The following PTH2R variants were observed in gnomAD, a reference collection of about 807,000 sequenced individuals.
The protein encoded by PTH2R is PTH2 receptor.
In PTH2R, 59 loss-of-function variants were observed where a neutral mutation model predicts 60.3. The observed-to-expected ratio is 0.98, with a 90% CI of 0.79 to 1.22. The LOEUF is 1.22. Among genes scored for constraint, PTH2R ranks in the 50% most tolerant of loss-of-function variants. The probability of loss-of-function intolerance (pLI) is 0.00; values close to 1 mark genes in which losing one functional copy is unlikely to be tolerated. For missense variants in PTH2R, 749 were observed against 682.6 expected, an observed-to-expected ratio of 1.10 and a Z score of -1.08; for synonymous variants, 256 against 243.8, an observed-to-expected ratio of 1.05 and a Z score of -0.47.
chr2:208,370,359 C>T (rs571286251), intron 1 of PTH2R, among the ~76,000 whole-genome samples: 108 of 126,482 alleles, frequency 8.5e-4, no homozygotes, highest in African/African-American at 2.9e-3. Flanking sequence ...AGGAGAATGG[C>T]GTGAACATGG....
At chr2:208,373,227 T>C (rs968968060) in intron 1 of PTH2R, among the ~76,000 whole-genome samples, 4 of 152,132 alleles carry the variant, frequency 2.6e-5, no homozygotes, top group Non-Finnish European at 4.4e-5. Context: ...AAGTGAGATA[T>C]ATGAGTAAAT....
At chr2:208,470,308 C>A (rs1303830456) in intron 9 of PTH2R, among the ~76,000 whole-genome samples, 1 of 152,194 alleles carries the variant, frequency 6.6e-6, no homozygotes, top group Non-Finnish European at 1.5e-5. Context: ...CATCCAGCAT[C>A]CAGTGATAGG....
intron 9 of PTH2R, among the ~76,000 whole-genome samples, chr2:208,470,340 C>A (rs1702855138): frequency 6.6e-6 from 1 of 152,206 alleles, no homozygotes; most frequent in African/African-American, 2.4e-5. Flanking sequence ...TCTTTCTAGG[C>A]CCTGCTCAAA....
chr2:208,459,411 C>T (rs955644414), intron 8 of PTH2R, among the ~76,000 whole-genome samples: 3 of 152,026 alleles, frequency 2.0e-5, no homozygotes, highest in Non-Finnish European at 2.9e-5. Context: ...GAATAGTTTG[C>T]GTTCATTTTC....
At chr2:208,455,411 C>T (rs1341829363) in intron 8 of PTH2R, among the ~76,000 whole-genome samples, 4 of 152,192 alleles carry the variant, frequency 2.6e-5, no homozygotes. Flanking sequence ...TACCGCTAGA[C>T]TGAAGCAGAA....
rs1574922516 is a variant in PTH2R, at chr2:208,493,580, T to G, written c.1574T>G (p.Leu525Arg). The G allele has an allele frequency of 1.9e-6, 3 of 1,612,274 alleles. No individual in the cohort carries two copies. The highest frequency in any genetic ancestry group is 2.5e-6 in the Non-Finnish European group (3 of 1,179,022). ...AGTGGGAGGCAGGGAGATGATATTC[T>G]AATGGAGAAGCCTTCCAGGCCTATG... ...EDSGRQGDDI[L>R]MEKPSRPMES... Residue 525 changes from leucine (L) to arginine (R), a missense_variant, in exon 13 of 13, where the codon CTA becomes CGA. Transcript: ENST00000272847.
intron 1 of PTH2R, among the ~76,000 whole-genome samples, chr2:208,421,624 A>G (rs1701758762): frequency 6.6e-6 from 1 of 152,174 alleles, no homozygotes; most frequent in Non-Finnish European, 1.5e-5. Context: ...AATTAAAAAC[A>G]TGTTTTCATT....
chr2:208,488,500 A>T (rs949725971), intron 10 of PTH2R, among the ~76,000 whole-genome samples: 3 of 152,204 alleles, frequency 2.0e-5, no homozygotes, highest in African/African-American at 7.2e-5. Flanking sequence ...TTACAACTTT[A>T]TGTAAATAGA....
intron 2 of PTH2R, 150 bp downstream of exon 2, chr2:208,428,453 C>A (rs917508711): frequency 1.7e-6 from 1 of 604,192 alleles, no homozygotes; most frequent in Non-Finnish European, 2.9e-6. Context: ...CAACAACACT[C>A]TTTTCATCTC....
intron 10 of PTH2R, among the ~76,000 whole-genome samples, chr2:208,484,714 A>T (rs1703232964): frequency 6.6e-6 from 1 of 152,226 alleles, no homozygotes; most frequent in African/African-American, 2.4e-5. Flanking sequence ...TTATTTTTTT[A>T]AAATAAATCC....
chr2:208,379,837 G>A (rs1246269105), intron 1 of PTH2R, among the ~76,000 whole-genome samples: 1 of 151,510 alleles, frequency 6.6e-6, no homozygotes, highest in Non-Finnish European at 1.5e-5. Context: ...TCCAGCCTGG[G>A]TGACACAGTG....
intron 2 of PTH2R, among the ~76,000 whole-genome samples, chr2:208,434,116 C>T (rs1702026591): frequency 6.6e-6 from 1 of 152,056 alleles, no homozygotes; most frequent in Non-Finnish European, 1.5e-5. Flanking sequence ...GAGTTCAAGA[C>T]CAGCCTGACC....
intron 9 of PTH2R, among the ~76,000 whole-genome samples, chr2:208,474,534 G>C (rs151238960): frequency 7.5e-4 from 115 of 152,336 alleles, no homozygotes; most frequent in African/African-American, 2.5e-3. Flanking sequence ...GCGCAGAGAA[G>C]GGTTTTCCCG....
In PTH2R at chr2:208,493,849, T is replaced by A; in HGVS notation, c.*190T>A. On this transcript the variant is annotated 3_prime_UTR_variant, in exon 13 of 13. Coordinates refer to ENST00000272847, the MANE Select transcript of PTH2R (RefSeq NM_005048.4). The stretch of plus-strand genomic sequence containing the variant: ...CATGAAAATGCAAGTGTCAATGGAG[T>A]AGTTTATTACCTTCTATTGGCATCA... The A allele has an allele frequency of 2.0e-6, 1 of 507,948 alleles. No homozygotes were observed. The highest frequency in any genetic ancestry group is 3.3e-6 in the Non-Finnish European group (1 of 299,752). 31.5% of individuals were successfully genotyped at this position (507,948 alleles called of 1,614,324 possible). A position where few individuals can be genotyped will look rare whatever the true frequency, so the allele number is the denominator to read the frequency against.
chr2:208,450,948 T>C (rs1702395424), intron 8 of PTH2R, 139 bp downstream of exon 8: 3 of 902,678 alleles, frequency 3.3e-6, no homozygotes, highest in Admixed American at 4.1e-5. Context: ...CTTGATGCGA[T>C]GGTAGCTTCC....
chr2:208,440,938 G>A (rs1702168701), intron 4 of PTH2R, among the ~76,000 whole-genome samples: 1 of 152,180 alleles, frequency 6.6e-6, no homozygotes, highest in African/African-American at 2.4e-5. Context: ...CATGGATCAG[G>A]ACAGAGGAGC....
rs376610545 is a variant in PTH2R at position 208,393,208 on chromosome 2, C to G, written c.-259+32971C>G. On this transcript the variant is annotated intron_variant, in intron 1 of 12. Coordinates refer to the PTH2R transcript ENST00000617735. Reference sequence around the variant, plus strand: ...GAGGTTTTCTAGGGTGCTCTCTGGTCCTACAACTTGCTTCTGTAGCTTCCT... The same window carrying G: ...GAGGTTTTCTAGGGTGCTCTCTGGTGCTACAACTTGCTTCTGTAGCTTCCT... Among the ~76,000 whole-genome samples, 210 of 152,276 alleles carry G rather than the reference C, an allele frequency of 1.4e-3. 8 individuals carry two copies. In the South Asian group the frequency reaches 0.042, roughly 31 times the overall value.
intron 1 of PTH2R, among the ~76,000 whole-genome samples, chr2:208,424,990 A>T (rs1701828621): frequency 6.6e-6 from 1 of 152,184 alleles, no homozygotes; most frequent in African/African-American, 2.4e-5. Flanking sequence ...AACTAAGCAA[A>T]TCAAAAGACC....
At chr2:208,450,720 C>T (rs73064601) in intron 7 of PTH2R, 29 bp from the exon 8 acceptor site, 2 of 1,609,148 alleles carry the variant, frequency 1.2e-6, no homozygotes, top group African/African-American at 1.3e-5. Context: ...TAAAATAAAT[C>T]TAGTCTCTGA....
Sources: allele counts gnomAD v4.1 joint callset (sites outside exome capture counted in the v4.1 genomes callset), GRCh38; gene constraint gnomAD v4.1.1; transcripts MANE v1.5; gene names NCBI Gene and HGNC (gene_info 2026-07-23, HGNC 2026-07-21).